Variants in PDE1C observed in about 807,000 individuals in gnomAD.
PDE1C encodes phosphodiesterase 1C, also known as dual specificity calcium/calmodulin-dependent 3',5'-cyclic nucleotide phosphodiesterase 1C.
A neutral mutation model predicts 93.1 loss-of-function variants in PDE1C; 62 were observed. The ratio of observed to expected loss-of-function variants is 0.67; its 90% CI spans 0.54 to 0.82. The LOEUF (loss-of-function observed/expected upper bound fraction) is 0.82, where lower values mean the gene tolerates loss of function less well. PDE1C is among the 40% of genes least tolerant of loss of function. The pLI, the probability that PDE1C is intolerant of heterozygous loss-of-function variation, is 0.00. For missense variants in PDE1C, 742 were observed against 884.6 expected (o/e 0.84, Z 2.04); for synonymous variants, 325 against 310.1 (o/e 1.05, Z -0.50).
intron 3 of PDE1C, among the ~76,000 whole-genome samples, chr7:32,119,521 C>G (rs908638622): frequency 7.2e-5 from 11 of 152,198 alleles, no homozygotes; most frequent in Non-Finnish European, 7.3e-5. Context: ...CTAGAAGCAG[C>G]TGCAACCAGA....
chr7:32,142,254 G>C (rs144617420), intron 3 of PDE1C, among the ~76,000 whole-genome samples: 5 of 152,278 alleles, frequency 3.3e-5, no homozygotes, highest in Non-Finnish European at 7.4e-5. Context: ...GGGGATAGAG[G>C]AAGGTACAAG....
At chr7:31,664,133 T>C in the PDE1C span, among the ~76,000 whole-genome samples, 1 of 152,166 alleles carries the variant, frequency 6.6e-6, no homozygotes, top group African/African-American at 2.4e-5. Flanking sequence ...TCTGAACCAC[T>C]GTCCAGTATA....
In PDE1C at chr7:32,068,295, C is replaced by G. The variant is rs185640495; in HGVS notation, c.101+1998G>C. Among the ~76,000 whole-genome samples the G allele has an allele frequency of 3.9e-3, 590 of 152,264 alleles. 3 individuals are homozygous for G. Among genetic ancestry groups the G allele is most frequent in the Non-Finnish European group, 5.7e-3 (387 of 68,020 alleles). ...ATTTTGTGGACGGCAAAGTGTTATT[C>G]CAAGTTGTGGACTGCAAAAATGTTA... On this transcript the variant is annotated intron_variant, in intron 1 of 17. Transcript: ENST00000396191.
In PDE1C at chr7:31,776,248, CT is replaced by C. The variant is rs563381538; in HGVS notation, c.1892-517del. On this transcript the variant is annotated intron_variant, in intron 16 of 17. Transcript: ENST00000396191. ...AACTCAAGCAATGAACTGGATCTCT[CT>C]GAAGCTCAGGTCTTCATCTGCAAAA... Among the ~76,000 whole-genome samples, 14 of 152,302 alleles carry C rather than the reference CT, an allele frequency of 9.2e-5. 1 individual carries two copies. The South Asian group carries it at 2.9e-3, about 32-fold the overall frequency.
chr7:31,963,273 C>A (rs534649462), intron 2 of PDE1C, among the ~76,000 whole-genome samples: 2 of 152,044 alleles, frequency 1.3e-5, no homozygotes, highest in Non-Finnish European at 2.9e-5. Flanking sequence ...ATTCATTGTA[C>A]GATGTTTAAC....
At chr7:32,295,149 C>T (rs1317164893) in intron 1 of PDE1C, among the ~76,000 whole-genome samples, 3 of 152,202 alleles carry the variant, frequency 2.0e-5, no homozygotes, top group African/African-American at 7.2e-5. Flanking sequence ...AGCAGCAACC[C>T]CACCCTGTCC....
chr7:32,166,105 T>G (rs188230164), intron 3 of PDE1C, among the ~76,000 whole-genome samples: 101 of 152,266 alleles, frequency 6.6e-4, no homozygotes, highest in Admixed American at 1.8e-3. Flanking sequence ...TAGCTTGATT[T>G]AATCATTTTG....
intron 2 of PDE1C, among the ~76,000 whole-genome samples, chr7:31,928,622 C>T (rs1160441232): frequency 6.6e-6 from 1 of 152,084 alleles, no homozygotes. Flanking sequence ...GAGTGGGGGC[C>T]AATATTCAAC....
chr7:31,938,731 T>C (rs1805420721), intron 2 of PDE1C, among the ~76,000 whole-genome samples: 2 of 152,116 alleles, frequency 1.3e-5, no homozygotes, highest in African/African-American at 4.8e-5. Flanking sequence ...TCCTAGCACA[T>C]AAAACTATTC....
intron 9 of PDE1C, among the ~76,000 whole-genome samples, chr7:31,844,790 T>C (rs1428847781): frequency 6.6e-6 from 1 of 152,004 alleles, no homozygotes; most frequent in Non-Finnish European, 1.5e-5. Context: ...TTGGCTCATA[T>C]AAAATTATCC....
chr7:32,359,732 G>C (rs1018123075), intron 1 of PDE1C, among the ~76,000 whole-genome samples: 1 of 152,210 alleles, frequency 6.6e-6, no homozygotes, highest in South Asian at 2.1e-4. Flanking sequence ...AATCATTGTG[G>C]TCTCTTCTAC....
the PDE1C span, among the ~76,000 whole-genome samples, chr7:31,634,126 T>C: frequency 6.6e-6 from 1 of 152,194 alleles, no homozygotes; most frequent in Non-Finnish European, 1.5e-5. Flanking sequence ...TCCCACAAAG[T>C]GCCTGAGGCG....
chr7:32,296,391 A>G (rs149390857), intron 1 of PDE1C, among the ~76,000 whole-genome samples: 2 of 152,388 alleles, frequency 1.3e-5, no homozygotes, highest in African/African-American at 2.4e-5. Flanking sequence ...AATTACAATT[A>G]CCATTTATTG....
intron 2 of PDE1C, among the ~76,000 whole-genome samples, chr7:32,019,774 G>A (rs1258432579): frequency 6.6e-6 from 1 of 152,088 alleles, no homozygotes; most frequent in African/African-American, 2.4e-5. Context: ...GTGACTCCCG[G>A]GTTTGTGGCA....
chr7:31,908,984 C>T (rs1253337475), intron 2 of PDE1C, among the ~76,000 whole-genome samples: 1 of 152,184 alleles, frequency 6.6e-6, no homozygotes, highest in Non-Finnish European at 1.5e-5. Flanking sequence ...GCATCTTCAA[C>T]CTTGCCTGAG....
At chr7:32,071,525 G>C (rs1159202384), upstream of PDE1C, 1 of 644,342 alleles carries the variant, frequency 1.6e-6, no homozygotes, top group Admixed American at 6.8e-5. Flanking sequence ...TCTCTCTTGT[G>C]CGGAAGAAAA....
At chr7:32,048,193 G>T (rs73098636) in intron 2 of PDE1C, among the ~76,000 whole-genome samples, 8,880 of 152,218 alleles carry the variant, frequency 0.058, 304 homozygotes, top group Non-Finnish European at 0.073. Flanking sequence ...AAGGCTGAAG[G>T]TTTGCTCTAT....
chr7:32,230,121 T>G (rs1807587526), intron 1 of PDE1C, among the ~76,000 whole-genome samples: 1 of 152,170 alleles, frequency 6.6e-6, no homozygotes, highest in African/African-American at 2.4e-5. Context: ...TGAAAGCTTC[T>G]AAGCCCTCCC....
chr7:32,159,638 G>A (rs1315168035), intron 3 of PDE1C, among the ~76,000 whole-genome samples: 2 of 152,188 alleles, frequency 1.3e-5, no homozygotes, highest in Non-Finnish European at 1.5e-5. Context: ...TACTGGGGAG[G>A]AGGGGGCTAT....
Sources: gnomAD v4.1 joint callset for allele counts (sites outside exome capture counted in the v4.1 genomes callset) on GRCh38, gnomAD v4.1.1 for gene constraint, MANE v1.5 for transcripts, NCBI Gene and HGNC (gene_info 2026-07-23, HGNC 2026-07-21) for gene names.